The following EXT1 variants were observed in gnomAD, a reference collection of about 807,000 sequenced individuals.
EXT1 encodes the protein exostosin-1.
In EXT1, 20 loss-of-function variants were observed where a neutral mutation model predicts 82.5. That is an observed-to-expected ratio of 0.24 (90% CI 0.17 to 0.35). EXT1 has a LOEUF of 0.35. Among genes scored for constraint, EXT1 ranks in the 10% least tolerant of loss-of-function variants. The pLI is 1.00. For missense variants in EXT1, 757 were observed against 936.5 expected (o/e 0.81, Z 2.50); for synonymous variants, 348 against 350.8 (o/e 0.99, Z 0.09).
At chr8:117,876,687 T>C (rs557069500) in intron 1 of EXT1, among the ~76,000 whole-genome samples, 55 of 152,320 alleles carry the variant, frequency 3.6e-4, no homozygotes, top group African/African-American at 1.1e-3. Context: ...CTTAACACTT[T>C]GTGTTTTCTC....
chr8:118,016,917 TTGGTGC>T (rs1315027414), intron 1 of EXT1, among the ~76,000 whole-genome samples: 1 of 152,224 alleles, frequency 6.6e-6, no homozygotes, highest in African/African-American at 2.4e-5. Flanking sequence ...TTTCTTGATC[TTGGTGC>T]TGGTTATAGA....
At chr8:117,869,795 CATATTT>C (rs1296056765) in intron 1 of EXT1, among the ~76,000 whole-genome samples, 1 of 152,122 alleles carries the variant, frequency 6.6e-6, no homozygotes, top group Non-Finnish European at 1.5e-5. Flanking sequence ...CATTTTCCCT[CATATTT>C]ATATTTACAT....
chr8:118,106,409 C>T (rs925880540), intron 1 of EXT1, among the ~76,000 whole-genome samples: 4 of 152,206 alleles, frequency 2.6e-5, no homozygotes, highest in African/African-American at 4.8e-5. Flanking sequence ...ACCCCTGAAA[C>T]GTTCTGTCCC....
At chr8:117,975,350 A>G (rs1322606218) in intron 1 of EXT1, among the ~76,000 whole-genome samples, 1 of 152,200 alleles carries the variant, frequency 6.6e-6, no homozygotes, top group African/African-American at 2.4e-5. Context: ...GTATATGGCA[A>G]TAACACCATC....
intron 1 of EXT1, among the ~76,000 whole-genome samples, chr8:117,858,786 CAGG>C (rs1812619025): frequency 4.8e-5 from 5 of 103,666 alleles, no homozygotes; most frequent in South Asian, 3.5e-4. Flanking sequence ...GGCAGGCAGG[CAGG>C]CAAGGCAAGG....
At chr8:117,842,461 C>A (rs890021428) in intron 1 of EXT1, among the ~76,000 whole-genome samples, 4 of 152,176 alleles carry the variant, frequency 2.6e-5, no homozygotes, top group African/African-American at 9.7e-5. Context: ...TCTTGATCTA[C>A]CACTTCCTGT....
intron 1 of EXT1, among the ~76,000 whole-genome samples, chr8:117,851,286 T>C (rs933171969): frequency 6.6e-6 from 1 of 151,214 alleles, no homozygotes; most frequent in African/African-American, 2.4e-5. Flanking sequence ...TAATTCTGAG[T>C]GAGCAGAGAA....
chr8:117,802,522 A>C (rs1246373174), intron 10 of EXT1, among the ~76,000 whole-genome samples: 1 of 152,228 alleles, frequency 6.6e-6, no homozygotes, highest in African/African-American at 2.4e-5. Flanking sequence ...AGTATTCAGT[A>C]CAGTGACATG....
chr8:117,810,417 T>A (rs1490684411), intron 8 of EXT1, among the ~76,000 whole-genome samples: 3 of 152,196 alleles, frequency 2.0e-5, no homozygotes, highest in Non-Finnish European at 2.9e-5. Context: ...TAGATTTACA[T>A]ATCATTTTCA....
At chr8:118,055,242 C>A (rs10088828) in intron 1 of EXT1, among the ~76,000 whole-genome samples, 66,040 of 152,016 alleles carry the variant, frequency 0.43, 14,620 homozygotes, top group Middle Eastern at 0.52. Context: ...ATCCTATAAC[C>A]TATACATTCT....
In EXT1 at chr8:118,023,763, G is replaced by C. The variant is rs182241730; in HGVS notation, c.962+86322C>G. Among the ~76,000 whole-genome samples, 58 of 152,344 alleles carry C rather than the reference G, an allele frequency of 3.8e-4. 1 individual carries two copies. The highest frequency in any genetic ancestry group is 1.2e-3 in the African/African-American group (50 of 41,588). ...AATAGTAAATTTGAAAGAAATAGCA[G>C]CTGCAACAGCAGGTAATACATATCC... On this transcript the variant is annotated intron_variant, in intron 1 of 10. Coordinates refer to ENST00000378204, the MANE Select transcript of EXT1 (RefSeq NM_000127.3).
intron 1 of EXT1, among the ~76,000 whole-genome samples, chr8:118,104,398 C>A (rs983188245): frequency 1.3e-5 from 2 of 152,176 alleles, no homozygotes; most frequent in African/African-American, 2.4e-5. Flanking sequence ...ATGTTCCATG[C>A]AGGGGGCTGG....
chr8:117,917,160 C>T (rs1388372498), intron 1 of EXT1, among the ~76,000 whole-genome samples: 1 of 152,100 alleles, frequency 6.6e-6, no homozygotes, highest in East Asian at 1.9e-4. Flanking sequence ...TAGCTTCTTA[C>T]AACTACAGAC....
chr8:117,994,461 A>C (rs1480293984), intron 1 of EXT1, among the ~76,000 whole-genome samples: 1 of 152,152 alleles, frequency 6.6e-6, no homozygotes, highest in Non-Finnish European at 1.5e-5. Context: ...AAATACAAAA[A>C]TTAGCCAGTC....
At position 117,889,152 on chromosome 8, in the gene EXT1, T is replaced by C. The variant is rs969332621; in HGVS notation, c.963-51951A>G. ...ATCTTGGACTCCAGCATGTAAGATA[T>C]GTGTTTAAAATGGTGGAGCAACAAA... On this transcript the variant is annotated intron_variant, in intron 1 of 10. Transcript: ENST00000378204. Among the ~76,000 whole-genome samples the C allele has an allele frequency of 3.3e-5, 5 of 152,158 alleles. No individual in the cohort carries two copies. The East Asian group carries it at 7.7e-4, about 23-fold the overall frequency.
At chr8:118,066,027 A>C (rs1236582916) in intron 1 of EXT1, among the ~76,000 whole-genome samples, 1 of 152,218 alleles carries the variant, frequency 6.6e-6, no homozygotes, top group Non-Finnish European at 1.5e-5. Flanking sequence ...GTACTATCTT[A>C]AAAGTTCTCA....
At chr8:117,925,966 G>T (rs960839637) in intron 1 of EXT1, among the ~76,000 whole-genome samples, 1 of 152,062 alleles carries the variant, frequency 6.6e-6, no homozygotes, top group Non-Finnish European at 1.5e-5. Context: ...TAGCCGTTTC[G>T]CATGTTATCT....
intron 1 of EXT1, among the ~76,000 whole-genome samples, chr8:117,972,331 A>G (rs566393281): frequency 6.6e-6 from 1 of 152,274 alleles, no homozygotes; most frequent in Non-Finnish European, 1.5e-5. Flanking sequence ...GTGGAGGTAT[A>G]TTTACTGTTT....
At chr8:117,867,068 G>A (rs1812785624) in intron 1 of EXT1, among the ~76,000 whole-genome samples, 1 of 151,992 alleles carries the variant, frequency 6.6e-6, no homozygotes, top group African/African-American at 2.4e-5. Flanking sequence ...AGACCAGCCT[G>A]GCCAAAGTAG....
Sources: allele counts gnomAD v4.1 joint callset (sites outside exome capture counted in the v4.1 genomes callset), GRCh38; gene constraint gnomAD v4.1.1; transcripts MANE v1.5; gene names NCBI Gene and HGNC (gene_info 2026-07-23, HGNC 2026-07-21).